Variants in PAAF1 observed in about 807,000 individuals in gnomAD.
PAAF1 encodes proteasomal ATPase associated factor 1.
Under a neutral mutation model 52.8 loss-of-function variants are expected in PAAF1, and 46 were observed. That is an observed-to-expected ratio of 0.87 (90% CI 0.69 to 1.11). The LOEUF is 1.11. PAAF1 is among the 50% of genes most tolerant of loss of function. PAAF1 has a pLI of 0.00. For synonymous variants in PAAF1, 178 were observed against 172.8 expected, an observed-to-expected ratio of 1.03 and a Z score of -0.24; for missense variants, 424 against 477.4, an observed-to-expected ratio of 0.89 and a Z score of 1.04.
intron 8 of PAAF1, 62 bp from the exon 9 acceptor site, chr11:73,916,483 C>A: frequency 1.8e-6 from 2 of 1,082,450 alleles, no homozygotes; most frequent in Non-Finnish European, 1.3e-6. Flanking sequence ...TTTTTGGTGC[C>A]TGTTTATTCT....
chr11:73,920,315 C>T (rs1950179579), intron 10 of PAAF1, among the ~76,000 whole-genome samples: 1 of 152,088 alleles, frequency 6.6e-6, no homozygotes, highest in Non-Finnish European at 1.5e-5. Flanking sequence ...GGGAGGATCA[C>T]TTGAGCCCAG....
intron 2 of PAAF1, among the ~76,000 whole-genome samples, chr11:73,882,297 G>A (rs1256081641): frequency 6.8e-6 from 1 of 146,764 alleles, no homozygotes; most frequent in Non-Finnish European, 1.5e-5. Flanking sequence ...CAGGCGTGAG[G>A]CACCGTGCCT....
At chr11:73,926,412 T>A (rs909600626) in intron 11 of PAAF1, among the ~76,000 whole-genome samples, 8 of 152,302 alleles carry the variant, frequency 5.3e-5, no homozygotes, top group Non-Finnish European at 1.5e-5. Context: ...ATTTCATTTT[T>A]AAAAATTCTT....
chr11:73,912,159 A>G (rs1023567425), intron 7 of PAAF1, among the ~76,000 whole-genome samples: 1 of 152,080 alleles, frequency 6.6e-6, no homozygotes, highest in African/African-American at 2.4e-5. Context: ...AGAGGGCCCC[A>G]CTATTAAGTT....
At chr11:73,885,798 C>T (rs1346236609) in intron 2 of PAAF1, among the ~76,000 whole-genome samples, 3 of 149,554 alleles carry the variant, frequency 2.0e-5, no homozygotes, top group Non-Finnish European at 4.4e-5. Flanking sequence ...GCTGAGATCA[C>T]GCCATTGTAC....
rs1950402893 is a variant in PAAF1, at chr11:73,927,815, G to A, written c.*453G>A. The A allele has an allele frequency of 6.3e-6, 1 of 157,884 alleles. No individual in the cohort carries two copies. 9.8% of individuals were successfully genotyped at this position (157,884 alleles called of 1,614,324 possible). A position where few individuals can be genotyped will look rare whatever the true frequency, so the allele number is the denominator to read the frequency against. ...TGGAATTCCTTCCTCAGCACTCCCTGTTGCCTGGCCATAGAGAAGGCCTGC... is the reference window on the plus strand; with the variant it reads ...TGGAATTCCTTCCTCAGCACTCCCTATTGCCTGGCCATAGAGAAGGCCTGC... On this transcript the variant is annotated 3_prime_UTR_variant, in exon 12 of 12. Transcript: ENST00000310571.
chr11:73,884,025 C>T (rs756592712), intron 2 of PAAF1, among the ~76,000 whole-genome samples: 71 of 152,176 alleles, frequency 4.7e-4, no homozygotes, highest in Admixed American at 2.1e-3. Flanking sequence ...GAAAGGATTA[C>T]AAAACTGCTG....
chr11:73,876,750 T>C, upstream of PAAF1: 4 of 335,178 alleles, frequency 1.2e-5, no homozygotes. Flanking sequence ...CGGTACGCGA[T>C]GCTCACCGAA....
intron 2 of PAAF1, chr11:73,879,564 T>C (rs961115507): frequency 3.3e-5 from 5 of 152,178 alleles, no homozygotes; most frequent in African/African-American, 4.8e-5. Flanking sequence ...ATATTGTATT[T>C]CTATGAGAAA....
chr11:73,892,091 G>C lies in PAAF1; in HGVS notation c.282+890G>C, dbSNP rs1172676092. ...TAATCCTAGCACTTTGAGAGGCCGA[G>C]GTGGGTGGATCACTTGAGCTCAGGA... On this transcript the variant is annotated intron_variant, in intron 4 of 11. Transcript: ENST00000310571. Among the ~76,000 whole-genome samples, 7 of 152,198 alleles carry C rather than the reference G, an allele frequency of 4.6e-5. No individual in the cohort carries two copies. The East Asian group carries it at 1.4e-3, about 29-fold the overall frequency.
At chr11:73,910,821 T>G (rs561249832) in intron 7 of PAAF1, among the ~76,000 whole-genome samples, 18 of 152,060 alleles carry the variant, frequency 1.2e-4, no homozygotes, top group African/African-American at 3.1e-4. Flanking sequence ...AAACCCCATC[T>G]CTACTAAAAA....
At chr11:73,924,405 C>G (rs145703656) in intron 10 of PAAF1, among the ~76,000 whole-genome samples, 1 of 152,130 alleles carries the variant, frequency 6.6e-6, no homozygotes, top group African/African-American at 2.4e-5. Context: ...GAGATCATGC[C>G]ATTGTACTCT....
intron 2 of PAAF1, among the ~76,000 whole-genome samples, chr11:73,883,877 A>T (rs749159385): frequency 5.9e-5 from 9 of 152,208 alleles, no homozygotes; most frequent in Non-Finnish European, 1.3e-4. Context: ...ACTCTGTTGT[A>T]TGGATATACT....
intron 6 of PAAF1, 140 bp downstream of exon 6, chr11:73,900,560 T>C (rs1185457601): frequency 5.2e-6 from 5 of 963,158 alleles, no homozygotes; most frequent in Non-Finnish European, 7.4e-6. Context: ...GCCATTTCCC[T>C]AAGGACCAGA....
At chr11:73,892,840 T>G (rs1336864481) in intron 4 of PAAF1, among the ~76,000 whole-genome samples, 1 of 152,100 alleles carries the variant, frequency 6.6e-6, no homozygotes, top group East Asian at 1.9e-4. Flanking sequence ...TTTTGTATTT[T>G]TAGTAGAGAC....
At chr11:73,877,128 A>G in intron 1 of PAAF1, 60 bp downstream of exon 1, 2 of 1,463,514 alleles carry the variant, frequency 1.4e-6, no homozygotes, top group Non-Finnish European at 1.8e-6. Context: ...CTTTGCGTCA[A>G]GGAGAGCCAT....
At chr11:73,899,678 C>G (rs535234384) in intron 5 of PAAF1, among the ~76,000 whole-genome samples, 1 of 152,252 alleles carries the variant, frequency 6.6e-6, no homozygotes, top group East Asian at 1.9e-4. Context: ...TCCCAAAGTG[C>G]TGGGATTACA....
chr11:73,882,048 ATT>A (rs201679598), intron 2 of PAAF1, among the ~76,000 whole-genome samples: 1 of 141,868 alleles, frequency 7.0e-6, no homozygotes. Context: ...CTAATTTTGT[ATT>A]TTTTTTTTTT....
At chr11:73,888,732 A>C (rs1211309864) in intron 3 of PAAF1, 1 of 219,646 alleles carries the variant, frequency 4.6e-6, no homozygotes, top group South Asian at 1.8e-4. Flanking sequence ...TTTCATAAAC[A>C]GCTATGGGTA....
Sources: allele counts gnomAD v4.1 joint callset (sites outside exome capture counted in the v4.1 genomes callset), GRCh38; gene constraint gnomAD v4.1.1; transcripts MANE v1.5; gene names NCBI Gene and HGNC (gene_info 2026-07-23, HGNC 2026-07-21).